Variants in PLSCR2 observed in about 807,000 individuals in gnomAD.
PLSCR2 encodes PL scramblase 2.
A neutral mutation model predicts 25.3 loss-of-function variants in PLSCR2; 18 were observed. The observed-to-expected ratio is 0.71, with a 90% CI of 0.49 to 1.06. PLSCR2 has a LOEUF of 1.06. Among genes scored for constraint, PLSCR2 ranks in the 50% least tolerant of loss-of-function variants. PLSCR2 has a pLI of 0.00. For synonymous variants in PLSCR2, 88 were observed against 87.3 expected, an observed-to-expected ratio of 1.01 and a Z score of -0.04; for missense variants, 243 against 269.5, an observed-to-expected ratio of 0.90 and a Z score of 0.69.
chr3:146,495,221 C>A (rs1640385438), intron 1 of PLSCR2, among the ~76,000 whole-genome samples: 1 of 152,128 alleles, frequency 6.6e-6, no homozygotes, highest in Non-Finnish European at 1.5e-5. Flanking sequence ...CGTTTTTCTT[C>A]TCTCTAGAGA....
At chr3:146,440,383 C>T (rs945809326), downstream of PLSCR2, among the ~76,000 whole-genome samples, 5 of 152,222 alleles carry the variant, frequency 3.3e-5, no homozygotes, top group African/African-American at 1.2e-4. Context: ...GTGGAGTCTA[C>T]AGAGGCAGAT....
intron 1 of PLSCR2, among the ~76,000 whole-genome samples, chr3:146,487,368 G>A (rs1012662292): frequency 1.3e-5 from 2 of 152,134 alleles, no homozygotes; most frequent in Non-Finnish European, 2.9e-5. Context: ...AAGAGAGGAA[G>A]TCAAATTGTC....
At chr3:146,487,342 A>G (rs537251077) in intron 1 of PLSCR2, among the ~76,000 whole-genome samples, 66 of 152,276 alleles carry the variant, frequency 4.3e-4, no homozygotes, top group African/African-American at 1.5e-3. Context: ...ATAGAAATAA[A>G]GGGTATTCAA....
intron 2 of PLSCR2, among the ~76,000 whole-genome samples, chr3:146,409,490 AC>A (rs1230634257): frequency 2.0e-5 from 3 of 152,148 alleles, no homozygotes; most frequent in Non-Finnish European, 4.4e-5. Flanking sequence ...GGGCCTTCTG[AC>A]CAAACTCAAC....
chr3:146,435,766 C>G (rs1272438446), intron 8 of PLSCR2, among the ~76,000 whole-genome samples: 2 of 152,102 alleles, frequency 1.3e-5, no homozygotes, highest in East Asian at 3.9e-4. Flanking sequence ...TGCAGAAGCT[C>G]TTTAGTTTAA....
chr3:146,480,033 A>G (rs916922248), intron 1 of PLSCR2, among the ~76,000 whole-genome samples: 2 of 152,210 alleles, frequency 1.3e-5, no homozygotes, highest in Non-Finnish European at 2.9e-5. Context: ...GTTCTTTGAA[A>G]CCAATGAGAA....
At chr3:146,406,817 T>A (rs1482955999) in intron 2 of PLSCR2, among the ~76,000 whole-genome samples, 1 of 152,148 alleles carries the variant, frequency 6.6e-6, no homozygotes, top group Non-Finnish European at 1.5e-5. Flanking sequence ...TGGAACTTTT[T>A]AACAAACACT....
At chr3:146,438,778 A>C (rs1438603736), downstream of PLSCR2, among the ~76,000 whole-genome samples, 1 of 152,118 alleles carries the variant, frequency 6.6e-6, no homozygotes, top group Non-Finnish European at 1.5e-5. Flanking sequence ...ATTTACATTT[A>C]AGGTTAATAT....
intron 6 of PLSCR2, among the ~76,000 whole-genome samples, chr3:146,442,907 T>C (rs1321580157): frequency 1.3e-5 from 2 of 152,094 alleles, no homozygotes; most frequent in Non-Finnish European, 2.9e-5. Flanking sequence ...AAATGATTTC[T>C]TGGATATGAC....
chr3:146,448,556 T>C (rs912800285), intron 6 of PLSCR2, among the ~76,000 whole-genome samples: 15 of 152,172 alleles, frequency 9.9e-5, no homozygotes, highest in Admixed American at 2.0e-4. Flanking sequence ...GTAGCTAAGG[T>C]TGAAGACCAT....
chr3:146,429,176 G>A (rs1263975852), downstream of PLSCR2, among the ~76,000 whole-genome samples: 1 of 152,184 alleles, frequency 6.6e-6, no homozygotes, highest in East Asian at 1.9e-4. Context: ...TCTGCTTCTG[G>A]TGAGGCCTCA....
intron 3 of PLSCR2, among the ~76,000 whole-genome samples, chr3:146,391,788 T>G (rs773864339): frequency 7.2e-5 from 11 of 152,260 alleles, no homozygotes; most frequent in Non-Finnish European, 1.3e-4. Flanking sequence ...GATTTGTACA[T>G]CTCTAAAGGC....
At chr3:146,483,887 A>C (rs2043248348) in intron 1 of PLSCR2, among the ~76,000 whole-genome samples, 1 of 152,016 alleles carries the variant, frequency 6.6e-6, no homozygotes, top group South Asian at 2.1e-4. Flanking sequence ...CTTCTCCTCC[A>C]AATGATTACA....
intron 1 of PLSCR2, among the ~76,000 whole-genome samples, chr3:146,481,433 C>T (rs1205650406): frequency 6.6e-6 from 1 of 152,028 alleles, no homozygotes; most frequent in Non-Finnish European, 1.5e-5. Context: ...TTCCTATACA[C>T]CAATAACAAA....
At chr3:146,483,777 C>T (rs2043244804) in intron 1 of PLSCR2, among the ~76,000 whole-genome samples, 2 of 151,578 alleles carry the variant, frequency 1.3e-5, no homozygotes, top group African/African-American at 2.4e-5. Context: ...AAAACCCCAT[C>T]TAAAGGTCAG....
upstream of PLSCR2, among the ~76,000 whole-genome samples, chr3:146,462,368 A>G (rs1338740683): frequency 2.0e-5 from 3 of 151,932 alleles, no homozygotes; most frequent in African/African-American, 7.3e-5. Flanking sequence ...TTGGGATTAC[A>G]GGCATAAACC....
intron 1 of PLSCR2, among the ~76,000 whole-genome samples, chr3:146,492,610 T>A (rs1560064943): frequency 6.6e-6 from 1 of 151,792 alleles, no homozygotes. Context: ...AAAACAAAGA[T>A]AAAACACACC....
intron 1 of PLSCR2, among the ~76,000 whole-genome samples, chr3:146,494,107 G>A (rs1382336050): frequency 6.6e-6 from 1 of 152,006 alleles, no homozygotes; most frequent in Non-Finnish European, 1.5e-5. Flanking sequence ...ATGACCTTTA[G>A]ATTGAGGTCA....
intron 1 of PLSCR2, among the ~76,000 whole-genome samples, 195 bp from the exon 1 acceptor site, chr3:146,469,756 C>G (rs1008339789): frequency 1.4e-4 from 21 of 150,724 alleles, no homozygotes; most frequent in Admixed American, 6.7e-4. Flanking sequence ...GGAGCGCGGC[C>G]GAGCTGGGGG....
Sources: gnomAD v4.1 joint callset for allele counts (sites outside exome capture counted in the v4.1 genomes callset) on GRCh38, gnomAD v4.1.1 for gene constraint, MANE v1.5 for transcripts, NCBI Gene and HGNC (gene_info 2026-07-23, HGNC 2026-07-21) for gene names.